The following URB2 variants were observed in gnomAD, a reference collection of about 807,000 sequenced individuals.
The protein encoded by URB2 is URB2 ribosome biogenesis homolog, also known as unhealthy ribosome biogenesis protein 2 homolog.
URB2 carries 86 observed loss-of-function variants against 120.9 expected under a neutral mutation model. The ratio of observed to expected loss-of-function variants is 0.71; its 90% CI spans 0.60 to 0.85. The LOEUF (loss-of-function observed/expected upper bound fraction) is 0.85. Ranked by LOEUF, URB2 falls within the 40% of genes least tolerant of loss-of-function variation. URB2 has a pLI of 0.00. For synonymous variants in URB2, 755 were observed against 758.4 expected, an observed-to-expected ratio of 1.00 and a Z score of 0.07; for missense variants, 1,765 against 1,836.5, an observed-to-expected ratio of 0.96 and a Z score of 0.71.
chr1:229,642,821 GC>G (rs1666044223), intron 4 of URB2, among the ~76,000 whole-genome samples: 2 of 152,152 alleles, frequency 1.3e-5, no homozygotes, highest in Non-Finnish European at 2.9e-5. Flanking sequence ...CCAACCCCCA[GC>G]ACAGTAAAAA....
chr1:229,658,649 T>C (rs941042437), intron 9 of URB2, among the ~76,000 whole-genome samples: 8 of 152,192 alleles, frequency 5.3e-5, no homozygotes, highest in African/African-American at 1.7e-4. Flanking sequence ...CATAGTGTTA[T>C]GGTGAACGTA....
chr1:229,627,084 TAG>T (rs1337690140), intron 1 of URB2, among the ~76,000 whole-genome samples: 1 of 152,210 alleles, frequency 6.6e-6, no homozygotes, highest in Non-Finnish European at 1.5e-5. Context: ...GTATCTCTTG[TAG>T]AGTCTTTTTT....
rs1403148913 is a variant in URB2 at position 229,635,981 on chromosome 1, C to G, written c.1368C>G (p.Val456=). ...CCCAGGAGGCGCTTATTCGTACTGT[C>G]TTCCAGACTTATGCCAAACTCCGAC... ...KKAQEALIRT[V]FQTYAKLRQV... is the part of the protein sequence containing the mutation. Residue 456 remains valine (V), a synonymous_variant, in exon 4 of 10, where the codon GTC becomes GTG. Transcript: ENST00000258243. 2.5e-6 allele frequency: 4 copies of G among 1,614,070 alleles called. No individual in the cohort carries two copies. In the South Asian group the frequency reaches 4.4e-5, roughly 18 times the overall value.
chr1:229,651,735 A>G (rs1393183539), intron 8 of URB2, among the ~76,000 whole-genome samples: 1 of 152,228 alleles, frequency 6.6e-6, no homozygotes, highest in Non-Finnish European at 1.5e-5. Context: ...CCTGCCGCTC[A>G]CTGTTCCAGC....
Position 229,659,166 on chromosome 1 carries a change from A to T in URB2, c.4444A>T (p.Ile1482Phe). The change falls in exon 10 of 10, where the codon ATC becomes TTC. Residue 1482 changes from isoleucine (I) to phenylalanine (F), a missense_variant. Coordinates refer to ENST00000258243, the MANE Select transcript of URB2 (RefSeq NM_014777.4). Reference protein sequence around the residue: ...EGIYLILDLCIEPDVQFLRAS... With the variant: ...EGIYLILDLCFEPDVQFLRAS... ...CATTTACCTCATCCTGGACCTCTGC[A>T]TCGAGCCTGACGTCCAGTTCCTGCG... is the stretch of plus-strand genomic sequence containing the variant. The T allele has an allele frequency of 6.2e-7, 1 of 1,613,282 alleles. No individual in the cohort carries two copies.
rs1174345150 is a variant in URB2, at chr1:229,636,478, T to A, written c.1865T>A (p.Leu622Ter). ...GCCCAGGTGGACGCTATGTTCAGTT[T>A]GAACTGTAGCCAGTATCACTCTATG... ...TWAQVDAMFS[L>*]NCSQYHSMSG... Residue 622 changes from leucine (L) to a stop codon, truncating the protein, a stop_gained, in exon 4 of 10, where the codon TTG (leucine) becomes TAG (stop). Transcript: ENST00000258243. LOFTEE classifies it high-confidence loss of function. The A allele has an allele frequency of 1.2e-6, 2 of 1,614,228 alleles. No individual in the cohort carries two copies. The highest frequency in any genetic ancestry group is 1.7e-6 in the Non-Finnish European group (2 of 1,180,042).
intron 7 of URB2, among the ~76,000 whole-genome samples, chr1:229,649,537 C>A (rs962438970): frequency 6.6e-6 from 1 of 152,136 alleles, no homozygotes; most frequent in African/African-American, 2.4e-5. Flanking sequence ...AGAAAATTGA[C>A]AAGGATAATG....
rs533736638 is a variant in URB2, at chr1:229,644,147, C to G, written c.3795+454C>G. Among the ~76,000 whole-genome samples the G allele has an allele frequency of 6.6e-5, 10 of 152,340 alleles. No individual in the cohort carries two copies. The South Asian group carries it at 2.1e-3, about 32-fold the overall frequency. On this transcript the variant is annotated intron_variant, in intron 5 of 9. Coordinates refer to ENST00000258243, the MANE Select transcript of URB2 (RefSeq NM_014777.4). Reference sequence around the variant, plus strand: ...CGCTAATACAGCCTGCATGGTGTTGCATTTGCTGAGTGCCTTTGCACAGAG... The same window carrying G: ...CGCTAATACAGCCTGCATGGTGTTGGATTTGCTGAGTGCCTTTGCACAGAG...
chr1:229,627,184 T>C (rs918989085), intron 1 of URB2, among the ~76,000 whole-genome samples: 5 of 152,212 alleles, frequency 3.3e-5, no homozygotes, highest in Admixed American at 2.6e-4. Flanking sequence ...CTGTATTCCT[T>C]TGGGGTTTTC....
intron 7 of URB2, among the ~76,000 whole-genome samples, chr1:229,650,366 G>A (rs1666238705): frequency 6.6e-6 from 1 of 152,130 alleles, no homozygotes. Flanking sequence ...GCTGGACAGT[G>A]TGTGGTTGTG....
At chr1:229,642,101 A>G (rs1666027006) in intron 4 of URB2, among the ~76,000 whole-genome samples, 1 of 152,110 alleles carries the variant, frequency 6.6e-6, no homozygotes, top group Non-Finnish European at 1.5e-5. Flanking sequence ...TGGCCTATGT[A>G]ATTAAGTAAA....
At chr1:229,627,863 G>C (rs1665551465) in intron 2 of URB2, 104 bp downstream of exon 2, 4 of 1,372,594 alleles carry the variant, frequency 2.9e-6, no homozygotes, top group African/African-American at 3.0e-5. Context: ...TAGAGAAAAA[G>C]TTGGGGAGGG....
intron 1 of URB2, among the ~76,000 whole-genome samples, chr1:229,626,575 G>C (rs570167747): frequency 2.2e-4 from 34 of 152,368 alleles, no homozygotes; most frequent in African/African-American, 7.5e-4. Context: ...GCTCCTAGCT[G>C]CTCTCCCCTG....
At position 229,636,312 on chromosome 1, in the gene URB2, C is replaced by T. The variant is rs777419343; in HGVS notation, c.1699C>T (p.Arg567Trp). 28 of 1,614,080 alleles carry T rather than the reference C, an allele frequency of 1.7e-5. No homozygotes were observed. Among genetic ancestry groups the T allele is most frequent in the Admixed American group, 1.0e-4 (6 of 60,014 alleles). ...CAGCACGCCTCTGCCCATTGTCAGA[C>T]GGACACAGTGCATGATGGAGAGGAT... The part of the protein sequence containing the change: ...DSSTPLPIVR[R>W]TQCMMERMMR... The change falls in exon 4 of 10, where the codon CGG becomes TGG. Residue 567 changes from arginine (R) to tryptophan (W), a missense_variant. Coordinates refer to ENST00000258243, the MANE Select transcript of URB2 (RefSeq NM_014777.4).
In URB2 at chr1:229,635,131, T is replaced by C. The variant is rs1450372009; in HGVS notation, c.518T>C (p.Ile173Thr). The C allele has an allele frequency of 1.2e-6, 2 of 1,614,118 alleles. No homozygotes were observed. The highest frequency in any genetic ancestry group is 1.7e-5 in the Admixed American group (1 of 60,028). ...GTGGTAGCCCAGTTGTTTGAGGTCA[T>C]TCACCTGGCCCTTGGCCATTATCTC... ...GAVVAQLFEV[I>T]HLALGHYLLI... Residue 173 changes from isoleucine to threonine, a missense_variant, in exon 4 of 10, where the codon ATT becomes ACT. Transcript: ENST00000258243.
intron 9 of URB2, among the ~76,000 whole-genome samples, chr1:229,656,484 C>T (rs745337726): frequency 2.0e-5 from 3 of 152,220 alleles, no homozygotes; most frequent in African/African-American, 4.8e-5. Context: ...TCCACTGGCA[C>T]CACAGTCCAT....
chr1:229,633,178 C>T (rs143810895), intron 3 of URB2, among the ~76,000 whole-genome samples: 1 of 152,192 alleles, frequency 6.6e-6, no homozygotes, highest in South Asian at 2.1e-4. Context: ...GAGAGAAAAT[C>T]GTTAGAGGCT....
Position 229,635,182 on chromosome 1 carries a change from C to T in URB2, c.569C>T (p.Pro190Leu). ...YLLILQQQVN[P>L]RRAFGDVTAH... ...TTGATCCTGCAGCAGCAGGTCAACC[C>T]AAGACGTGCCTTTGGGGATGTGACT... Residue 190 changes from proline to leucine, a missense_variant, in exon 4 of 10, where the codon CCA (proline) becomes CTA (leucine). Transcript: ENST00000258243. 3.7e-6 allele frequency: 6 copies of T among 1,614,220 alleles called. No individual in the cohort carries two copies. Among genetic ancestry groups the T allele is most frequent in the Non-Finnish European group, 5.1e-6 (6 of 1,180,044 alleles).
chr1:229,653,962 A>G (rs1027177020), intron 8 of URB2, among the ~76,000 whole-genome samples: 3 of 112,756 alleles, frequency 2.7e-5, no homozygotes, highest in African/African-American at 7.5e-5. Context: ...TTTTTTTTTA[A>G]GTAATCCTAG....
Sources: gnomAD v4.1 joint callset for allele counts (sites outside exome capture counted in the v4.1 genomes callset) on GRCh38, gnomAD v4.1.1 for gene constraint, MANE v1.5 for transcripts, NCBI Gene and HGNC (gene_info 2026-07-23, HGNC 2026-07-21) for gene names.